C2CD2L: variants seen among roughly 807,000 people sequenced by gnomAD.
C2CD2L encodes the protein C2CD2 like, also known as phospholipid transfer protein C2CD2L.
C2CD2L carries 24 observed loss-of-function variants against 69.9 expected under a neutral mutation model. That is an observed-to-expected ratio of 0.34 (90% CI 0.25 to 0.48). The LOEUF is 0.48. C2CD2L is among the 20% of genes least tolerant of loss of function. C2CD2L has a pLI of 0.99. For synonymous variants in C2CD2L, 367 were observed against 391.0 expected (o/e 0.94, Z 0.72); for missense variants, 811 against 941.5 (o/e 0.86, Z 1.81).
upstream of C2CD2L, chr11:119,106,614 A>G (rs1438306531): frequency 6.6e-6 from 1 of 152,206 alleles, no homozygotes; most frequent in Non-Finnish European, 1.5e-5. Flanking sequence ...GGCTGAATCT[A>G]TTGATAGTCC....
rs1401004477 is a variant in C2CD2L, at chr11:119,116,973, A to G, written c.*717A>G. Reference sequence around the variant, plus strand: ...GGGAGCCTGGTGGGAAGCCTTCCCCAGAGAGATGGCTTTAGGGGCTTTATT... The same window carrying G: ...GGGAGCCTGGTGGGAAGCCTTCCCCGGAGAGATGGCTTTAGGGGCTTTATT... On this transcript the variant is annotated 3_prime_UTR_variant, in exon 14 of 14. Coordinates refer to ENST00000648610, the MANE Select transcript of C2CD2L (RefSeq NM_001290474.2). 4 of 152,850 alleles carry G rather than the reference A, an allele frequency of 2.6e-5. No individual in the cohort carries two copies. Among genetic ancestry groups the G allele is most frequent in the African/African-American group, 9.6e-5 (4 of 41,458 alleles). 9.5% of individuals were successfully genotyped at this position (152,850 alleles called of 1,614,324 possible).
At position 119,113,649 on chromosome 11, in the gene C2CD2L, G is replaced by A. The variant is rs1401589633; in HGVS notation, c.1426G>A (p.Glu476Lys). The A allele has an allele frequency of 2.5e-6, 4 of 1,603,576 alleles. No individual in the cohort carries two copies. The highest frequency in any genetic ancestry group is 1.7e-5 in the Admixed American group (1 of 59,720). Residue 476 changes from glutamate to lysine, a missense_variant, in exon 11 of 14, where the codon GAG (glutamate) becomes AAG (lysine). By Grantham distance (56) the Glu-to-Lys change is moderately conservative. Transcript: ENST00000648610. ...CTCCCCGTCCAAGGTGGAGGTGACC[G>A]AGAAGACGACAACTGTGCTGAGTGA... ...SRSPSKVEVT[E>K]KTTTVLSESS... is the part of the protein sequence containing the mutation.
rs769966825 is a variant in C2CD2L, at chr11:119,111,056, G to A, written c.686G>A (p.Gly229Asp). 86 of 1,613,462 alleles carry A rather than the reference G, an allele frequency of 5.3e-5. 1 individual carries two copies. In the East Asian group the frequency reaches 1.8e-3, roughly 33 times the overall value. Residue 229 changes from glycine (G) to aspartate (D), a missense_variant, in exon 5 of 14, where the codon GGT becomes GAT. Coordinates refer to ENST00000648610, the MANE Select transcript of C2CD2L (RefSeq NM_001290474.2). The stretch of plus-strand genomic sequence containing the variant: ...GTTCCCTTCTTCTCTCTGCAGAGAG[G>A]TGAAGAACAAGTGGAGCTCTCCACA... ...VLPKLQARER[G>D]EEQVELSTIE...
intron 10 of C2CD2L, chr11:119,113,330 C>T: frequency 4.4e-6 from 2 of 450,380 alleles, no homozygotes; most frequent in Non-Finnish European, 7.9e-6. Context: ...ACTGAATTGC[C>T]CCAACTTCAG....
chr11:119,113,829 T>G (rs1946814694), intron 11 of C2CD2L, 26 bp from the exon 12 acceptor site: 1 of 1,612,728 alleles, frequency 6.2e-7, no homozygotes, highest in African/African-American at 1.3e-5. Flanking sequence ...AGAAGTCAGG[T>G]TATTCATTCT....
intron 8 of C2CD2L, 22 bp downstream of exon 8, chr11:119,112,414 C>G: frequency 6.2e-7 from 1 of 1,613,804 alleles, no homozygotes; most frequent in Non-Finnish European, 8.5e-7. Context: ...GTGGGAGGGG[C>G]ACCCCTGGGT....
At position 119,110,515 on chromosome 11, in the gene C2CD2L, G is replaced by A; in HGVS notation, c.451-46G>A. ...AACTATTACAGGGCAGTTCAAAGCAGGGTGAGCACCCTTCCCCCACATCTG... is the reference window on the plus strand; with the variant it reads ...AACTATTACAGGGCAGTTCAAAGCAAGGTGAGCACCCTTCCCCCACATCTG... On this transcript the variant is annotated intron_variant, in intron 2 of 13. Coordinates refer to ENST00000648610, the MANE Select transcript of C2CD2L (RefSeq NM_001290474.2). The surrounding 1 kb of genome is among the most constrained non-coding windows in gnomAD (Gnocchi z 5.7). 2 of 1,588,726 alleles carry A rather than the reference G, an allele frequency of 1.3e-6. No individual in the cohort carries two copies. The highest frequency in any genetic ancestry group is 2.3e-4 in the Middle Eastern group (1 of 4,396).
chr11:119,108,764 G>A (rs137927285), intron 1 of C2CD2L, among the ~76,000 whole-genome samples: 7 of 152,304 alleles, frequency 4.6e-5, no homozygotes, highest in Admixed American at 6.5e-5. Context: ...GGCAGGAAGC[G>A]TGGTCATGAG....
rs1240216794 is a variant in C2CD2L, at chr11:119,114,371, G to A, written c.1909+6G>A. Reference sequence around the variant, plus strand: ...CAGCCTCAAGGATCACAAAGGTAGGGGGACGTTGGCAGGGTGCCCCTCATC... The same window carrying A: ...CAGCCTCAAGGATCACAAAGGTAGGAGGACGTTGGCAGGGTGCCCCTCATC... On this transcript the variant is annotated splice_donor_region_variant and intron_variant, in intron 13 of 13. Transcript: ENST00000648610. The surrounding 1 kb of genome is among the most constrained non-coding windows in gnomAD (Gnocchi z 5.1). The A allele has an allele frequency of 3.1e-6, 5 of 1,613,638 alleles. No homozygotes were observed. Among genetic ancestry groups the A allele is most frequent in the Non-Finnish European group, 4.2e-6 (5 of 1,179,732 alleles).
chr11:119,112,134 A>G, intron 7 of C2CD2L, 194 bp from the exon 8 acceptor site: 1 of 586,908 alleles, frequency 1.7e-6, no homozygotes, highest in Non-Finnish European at 3.0e-6. Flanking sequence ...ATAGCTGAGA[A>G]GCATGGTTTC....
rs1946813153 is a variant in C2CD2L, at chr11:119,113,771, G to A, written c.1489+59G>A. On this transcript the variant is annotated intron_variant, in intron 11 of 13. Transcript: ENST00000648610. ...GGCCCTGGTGCCCCAGCATCAAAAA[G>A]TACTCTGGGTGGGATAGGAGGAGTT... is the stretch of plus-strand genomic sequence containing the variant. 3 of 1,612,690 alleles carry A rather than the reference G, an allele frequency of 1.9e-6. No individual in the cohort carries two copies. The South Asian group carries it at 3.3e-5, about 18-fold the overall frequency.
rs1592246513 is a variant in C2CD2L at position 119,116,396 on chromosome 11, C to T, written c.*140C>T. On this transcript the variant is annotated 3_prime_UTR_variant, in exon 14 of 14. Transcript: ENST00000648610. ...CCCCGTCCACCCTGGGCCATGGGGC[C>T]GGTTGGAAGGATACTTGGAACGGGA... is the stretch of plus-strand genomic sequence containing the variant. 2.5e-5 allele frequency: 17 copies of T among 675,024 alleles called. No homozygotes were observed. In the East Asian group the frequency reaches 3.8e-4, roughly 15 times the overall value. 41.8% of individuals were successfully genotyped at this position (675,024 alleles called of 1,614,324 possible).
intron 13 of C2CD2L, chr11:119,115,751 A>C: frequency 2.1e-6 from 1 of 483,224 alleles, no homozygotes; most frequent in South Asian, 4.1e-5. Flanking sequence ...GCTCCGTGAT[A>C]TCTCTTTTGC....
chr11:119,110,503 C>G lies in C2CD2L; in HGVS notation c.451-58C>G. 1 of 1,569,576 alleles carries G rather than the reference C, an allele frequency of 6.4e-7. No individual in the cohort carries two copies. Among genetic ancestry groups the G allele is most frequent in the Non-Finnish European group, 8.6e-7 (1 of 1,161,594 alleles). Reference sequence around the variant, plus strand: ...AGGGGTCTGCTGAACTATTACAGGGCAGTTCAAAGCAGGGTGAGCACCCTT... The same window carrying G: ...AGGGGTCTGCTGAACTATTACAGGGGAGTTCAAAGCAGGGTGAGCACCCTT... On this transcript the variant is annotated intron_variant, in intron 2 of 13. Coordinates refer to ENST00000648610, the MANE Select transcript of C2CD2L (RefSeq NM_001290474.2). The surrounding 1 kb of genome is among the most constrained non-coding windows in gnomAD (Gnocchi z 5.7).
At chr11:119,108,161 C>A in intron 1 of C2CD2L, 66 bp downstream of exon 1, 1 of 1,137,372 alleles carries the variant, frequency 8.8e-7, no homozygotes, top group Non-Finnish European at 1.3e-6. Flanking sequence ...ACTGACTGCT[C>A]GTGCTAGGAG....
chr11:119,113,875 G>A lies in C2CD2L; in HGVS notation c.1510G>A (p.Gly504Ser), dbSNP rs759071862. ...SSSRDSHLSN[G>S]LDPVAETAIR... ...AGCAGGGGACAGCCACCTTTCCAAC[G>A]GCTTGGACCCTGTAGCAGAGACAGC... is the stretch of plus-strand genomic sequence containing the variant. Residue 504 changes from glycine (G) to serine (S), a missense_variant, in exon 12 of 14, where the codon GGC (glycine) becomes AGC (serine). Physicochemically the swap from Gly to Ser is moderately conservative, Grantham distance 56. Transcript: ENST00000648610. 6 of 1,614,034 alleles carry A rather than the reference G, an allele frequency of 3.7e-6. No homozygotes were observed. Among genetic ancestry groups the A allele is most frequent in the Non-Finnish European group, 2.5e-6 (3 of 1,180,024 alleles).
In C2CD2L at chr11:119,112,870, A is replaced by C; in HGVS notation, c.1383A>C (p.Lys461Asn). 1 of 1,613,634 alleles carries C rather than the reference A, an allele frequency of 6.2e-7. No homozygotes were observed. Among genetic ancestry groups the C allele is most frequent in the Middle Eastern group, 1.7e-4 (1 of 6,056 alleles). ...TVQSRPRIDG[K>N]LDSPSRSPSK... ...AGTCCCGGCCCCGTATAGACGGCAA[A>C]TTAGGTAAAGAGAAGGAGCCTGGGA... The change falls in exon 10 of 14, where the codon AAA becomes AAC. Residue 461 changes from lysine to asparagine, a missense_variant. Coordinates refer to ENST00000648610, the MANE Select transcript of C2CD2L (RefSeq NM_001290474.2).
At chr11:119,102,276 G>A (rs1475769132), upstream of C2CD2L, 1 of 476,532 alleles carries the variant, frequency 2.1e-6, no homozygotes, top group Admixed American at 2.3e-5. Context: ...GCTCCAGGAA[G>A]ATGGCTATTG....
chr11:119,107,923 G>A lies in C2CD2L; in HGVS notation c.182G>A (p.Arg61Gln). 2 of 1,536,492 alleles carry A rather than the reference G, an allele frequency of 1.3e-6. No individual in the cohort carries two copies. The highest frequency in any genetic ancestry group is 1.7e-6 in the Non-Finnish European group (2 of 1,147,594). ...ALAGEPAGSLRELGVWRSLLR... is the reference protein window; with the variant it reads ...ALAGEPAGSLQELGVWRSLLR... ...GCCGGGGAACCCGCGGGTTCCCTGC[G>A]GGAGCTGGGCGTGTGGCGCTCGCTG... Residue 61 changes from arginine to glutamine, a missense_variant, in exon 1 of 14, where the codon CGG (arginine) becomes CAG (glutamine). By Grantham distance (43) the Arg-to-Gln change is conservative. Coordinates refer to ENST00000648610, the MANE Select transcript of C2CD2L (RefSeq NM_001290474.2). The surrounding 1 kb of genome is among the most constrained non-coding windows in gnomAD (Gnocchi z 5.4).
Sources: allele counts gnomAD v4.1 joint callset (sites outside exome capture counted in the v4.1 genomes callset), GRCh38; gene constraint gnomAD v4.1.1; non-coding constraint Gnocchi (gnomAD v3.1); transcripts MANE v1.5; gene names NCBI Gene and HGNC (gene_info 2026-07-23, HGNC 2026-07-21).